Variants in CSDE1 observed in about 807,000 individuals in gnomAD.
CSDE1 encodes the protein cold shock domain containing E1.
CSDE1 carries 17 observed loss-of-function variants against 89.3 expected under a neutral mutation model. That is an observed-to-expected ratio of 0.19 (90% CI 0.13 to 0.29). The LOEUF is 0.29. Among genes scored for constraint, CSDE1 ranks in the 10% least tolerant of loss-of-function variants. The pLI, the probability that CSDE1 is intolerant of heterozygous loss-of-function variation, is 1.00. For missense variants in CSDE1, 672 were observed against 984.2 expected (o/e 0.68, Z 4.24); for synonymous variants, 322 against 332.8 (o/e 0.97, Z 0.35).
At chr1:114,723,596 A>G (rs1432843977) in intron 16 of CSDE1, among the ~76,000 whole-genome samples, 22 of 151,046 alleles carry the variant, frequency 1.5e-4, no homozygotes, top group Non-Finnish European at 1.5e-5. Flanking sequence ...TCAACAGTAA[A>G]AGCTTTGGTT....
chr1:114,724,009 A>G lies in CSDE1; in HGVS notation c.1754-7T>C. Reference sequence around the variant, plus strand: ...TCCTCAGTAATGCCATTCACTACAAAACAAAGGCAGGTACATCTTTCAATT... The same window carrying G: ...TCCTCAGTAATGCCATTCACTACAAGACAAAGGCAGGTACATCTTTCAATT... On this transcript the variant is annotated splice_polypyrimidine_tract_variant and splice_region_variant and intron_variant, in intron 15 of 19. Coordinates refer to ENST00000358528, the MANE Select transcript of CSDE1 (RefSeq NM_001007553.3). 1.1e-5 allele frequency: 18 copies of G among 1,610,690 alleles called. No individual in the cohort carries two copies. Among genetic ancestry groups the G allele is most frequent in the Non-Finnish European group, 1.5e-5 (18 of 1,178,520 alleles).
At chr1:114,739,095 C>G (rs1369691873) in intron 3 of CSDE1, among the ~76,000 whole-genome samples, 2 of 151,578 alleles carry the variant, frequency 1.3e-5, no homozygotes, top group Non-Finnish European at 2.9e-5. Flanking sequence ...GCAGTGGTGG[C>G]ATCTTGGCTT....
At chr1:114,753,120 T>C (rs1323371233) in intron 1 of CSDE1, among the ~76,000 whole-genome samples, 1 of 152,222 alleles carries the variant, frequency 6.6e-6, no homozygotes, top group Non-Finnish European at 1.5e-5. Flanking sequence ...CTGTGTATAT[T>C]GGTTTTATCT....
chr1:114,725,429 T>A, intron 14 of CSDE1, 96 bp from the exon 15 acceptor site: 1 of 933,130 alleles, frequency 1.1e-6, no homozygotes, highest in African/African-American at 1.6e-5. Flanking sequence ...TGGCATGGCA[T>A]GCTTATTTAC....
intron 1 of CSDE1, chr1:114,756,727 C>G (rs1048825253): frequency 6.6e-6 from 1 of 152,152 alleles, no homozygotes; most frequent in Non-Finnish European, 1.5e-5. Context: ...GTTTAAAGAG[C>G]GCCATATTCT....
intron 1 of CSDE1, among the ~76,000 whole-genome samples, chr1:114,754,096 C>A (rs1661458461): frequency 6.6e-6 from 1 of 152,226 alleles, no homozygotes; most frequent in Admixed American, 6.5e-5. Flanking sequence ...TCAAGCGATT[C>A]TCCTGCCTCA....
chr1:114,746,160 T>C (rs1457984254), intron 2 of CSDE1, among the ~76,000 whole-genome samples: 2 of 152,230 alleles, frequency 1.3e-5, no homozygotes, highest in African/African-American at 4.8e-5. Flanking sequence ...CTTCCAATTT[T>C]CTGAACACAA....
At chr1:114,736,668 A>C (rs1425398049) in intron 6 of CSDE1, 90 bp downstream of exon 6, 1 of 732,184 alleles carries the variant, frequency 1.4e-6, no homozygotes, top group Non-Finnish European at 2.3e-6. Context: ...CCAGACTTAC[A>C]AGTTAGGTTT....
chr1:114,731,482 G>A (rs1050666187), intron 10 of CSDE1, among the ~76,000 whole-genome samples: 2 of 151,396 alleles, frequency 1.3e-5, no homozygotes, highest in Admixed American at 6.6e-5. Flanking sequence ...AAAGGCAAAG[G>A]ATTAAAAAAA....
chr1:114,719,047 A>G (rs149390815), intron 18 of CSDE1: 1 of 313,552 alleles, frequency 3.2e-6, no homozygotes, highest in African/African-American at 2.2e-5. Context: ...TGTGGTAGCT[A>G]ACACCTGTAA....
At chr1:114,718,812 AGT>A in intron 18 of CSDE1, 67 bp from the exon 19 acceptor site, 1 of 1,573,016 alleles carries the variant, frequency 6.4e-7, no homozygotes, top group Non-Finnish European at 8.7e-7. Flanking sequence ...CTTGCAAAGG[AGT>A]GTGTTTTCCA....
intron 1 of CSDE1, among the ~76,000 whole-genome samples, chr1:114,754,856 TTA>T (rs1294621305): frequency 6.6e-6 from 1 of 152,182 alleles, no homozygotes; most frequent in Non-Finnish European, 1.5e-5. Flanking sequence ...ACTTAACTGC[TTA>T]TATATACACC....
chr1:114,733,400 C>CT (rs1660209458), intron 9 of CSDE1, among the ~76,000 whole-genome samples: 1 of 151,916 alleles, frequency 6.6e-6, no homozygotes, highest in Non-Finnish European at 1.5e-5. Context: ...GTGGCATGCC[C>CT]TTGTAGTCCC....
At chr1:114,733,022 G>A (rs187189931) in intron 9 of CSDE1, among the ~76,000 whole-genome samples, 1 of 152,106 alleles carries the variant, frequency 6.6e-6, no homozygotes. Context: ...ATGCAATTAA[G>A]ACCCAGCACT....
At chr1:114,727,180 A>AATCCTTTGGCAC in intron 12 of CSDE1, 90 bp from the exon 13 acceptor site, 1 of 877,410 alleles carries the variant, frequency 1.1e-6, no homozygotes, top group Non-Finnish European at 1.8e-6. Context: ...TTCTTGTGCC[A>AATCCTTTGGCAC]AAGGATTGGT....
chr1:114,749,806 A>G lies in CSDE1; in HGVS notation c.-1+15T>C, dbSNP rs1661212836. 1 of 152,646 alleles carries G rather than the reference A, an allele frequency of 6.6e-6. No homozygotes were observed. Among genetic ancestry groups the G allele is most frequent in the African/African-American group, 2.4e-5 (1 of 41,458 alleles). The allele number at this position is 152,646 out of a possible 1,614,324, so 9.5% of individuals were successfully genotyped here. A position where few individuals can be genotyped will look rare whatever the true frequency, so the allele number is the denominator to read the frequency against. On this transcript the variant is annotated intron_variant, in intron 2 of 19. Transcript: ENST00000358528. ...AATTATGGAACTGATTCTTAATAGG[A>G]AATTACAAACCTACCTCGCAGTGAT... is the stretch of plus-strand genomic sequence containing the variant.
rs1660493955 is a variant in CSDE1 at position 114,737,948 on chromosome 1, A to G, written c.309+15T>C. ...GCAGGGCCCTAAAAAAACACAAAGC[A>G]TCAAAGTCACTAACTTGTCCATTCA... On this transcript the variant is annotated intron_variant, in intron 4 of 19. Coordinates refer to ENST00000358528, the MANE Select transcript of CSDE1 (RefSeq NM_001007553.3). 1 of 1,566,924 alleles carries G rather than the reference A, an allele frequency of 6.4e-7. No homozygotes were observed. The highest frequency in any genetic ancestry group is 1.7e-5 in the Admixed American group (1 of 59,940).
At chr1:114,735,835 T>G (rs1056054400) in intron 6 of CSDE1, among the ~76,000 whole-genome samples, 2 of 152,212 alleles carry the variant, frequency 1.3e-5, no homozygotes, top group African/African-American at 2.4e-5. Context: ...TAACTGTGTA[T>G]GCTGATGAAT....
intron 1 of CSDE1, among the ~76,000 whole-genome samples, chr1:114,750,655 A>G (rs1661253863): frequency 6.6e-6 from 1 of 152,192 alleles, no homozygotes; most frequent in African/African-American, 2.4e-5. Context: ...GTATCTAGGT[A>G]TCTATTATGT....
Sources: allele counts gnomAD v4.1 joint callset (sites outside exome capture counted in the v4.1 genomes callset), GRCh38; gene constraint gnomAD v4.1.1; transcripts MANE v1.5; gene names NCBI Gene and HGNC (gene_info 2026-07-23, HGNC 2026-07-21).